The following ZNF33A variants were observed in gnomAD, a reference collection of about 807,000 sequenced individuals.
ZNF33A encodes brain my041 protein.
Under a neutral mutation model 15.9 loss-of-function variants are expected in ZNF33A, and 9 were observed. The ratio of observed to expected loss-of-function variants is 0.57; its 90% CI spans 0.34 to 0.99. ZNF33A has a LOEUF of 0.99. Ranked by LOEUF, ZNF33A falls within the 50% of genes least tolerant of loss-of-function variation. The probability of loss-of-function intolerance (pLI) is 0.02; values close to 1 mark genes in which losing one functional copy is unlikely to be tolerated. For missense variants in ZNF33A, 843 were observed against 941.6 expected, an observed-to-expected ratio of 0.90 and a Z score of 1.37; for synonymous variants, 294 against 324.2, an observed-to-expected ratio of 0.91 and a Z score of 1.00.
At chr10:38,060,509 G>A (rs2023432), downstream of ZNF33A, among the ~76,000 whole-genome samples, 1,898 of 152,240 alleles carry the variant, frequency 0.012, 27 homozygotes, top group Middle Eastern at 0.048. Context: ...GTCGAACCCT[G>A]TGTGGCTCTT....
intron 4 of ZNF33A, among the ~76,000 whole-genome samples, chr10:38,025,189 A>G (rs2064931537): frequency 6.6e-6 from 1 of 152,214 alleles, no homozygotes; most frequent in Admixed American, 6.5e-5. Context: ...ATAAGGAGTG[A>G]CTACTGTATG....
At chr10:38,026,692 A>C (rs990498252) in intron 4 of ZNF33A, among the ~76,000 whole-genome samples, 1 of 152,172 alleles carries the variant, frequency 6.6e-6, no homozygotes, top group African/African-American at 2.4e-5. Flanking sequence ...CCATCAGCAA[A>C]CCCAAAGTTT....
chr10:38,061,794 C>G (rs2480521), downstream of ZNF33A, among the ~76,000 whole-genome samples: 33,531 of 151,900 alleles, frequency 0.22, 3,878 homozygotes, highest in East Asian at 0.4. Context: ...AACCCCGTCT[C>G]TACTAAAACT....
Position 38,056,303 on chromosome 10 carries a change from G to A in ZNF33A, c.2179G>A (p.Gly727Arg), listed in dbSNP as rs1254690565. 13 of 1,613,956 alleles carry A rather than the reference G, an allele frequency of 8.1e-6. 1 individual carries two copies. The Admixed American group carries it at 2.2e-4, about 27-fold the overall frequency. ...GAAATCTTGTCAATGTAATGAATGT[G>A]GAAAAATCTTTTACCGTAAATCGGA... ...GEKSCQCNECGKIFYRKSELA... is the reference protein window; with the variant it reads ...GEKSCQCNECRKIFYRKSELA... Residue 727 changes from glycine (G) to arginine (R), a missense_variant, in exon 5 of 5, where the codon GGA (glycine) becomes AGA (arginine). By Grantham distance (125) the Gly-to-Arg change is moderately radical. Coordinates refer to ENST00000432900, the MANE Select transcript of ZNF33A (RefSeq NM_006954.2).
chr10:38,049,885 A>G (rs1462802732), intron 4 of ZNF33A, among the ~76,000 whole-genome samples: 2 of 152,238 alleles, frequency 1.3e-5, no homozygotes, highest in Non-Finnish European at 2.9e-5. Flanking sequence ...ATCAAAAATA[A>G]GAATGATGAA....
In ZNF33A at chr10:38,055,989, C is replaced by T; in HGVS notation, c.1865C>T (p.Ser622Leu). ...NECGKAFYQK[S>L]QLTQHQRIHI... ...TGTGGAAAAGCCTTCTACCAGAAGT[C>T]ACAACTCACTCAGCATCAGAGAATT... Residue 622 changes from serine to leucine, a missense_variant, in exon 5 of 5, where the codon TCA becomes TTA. Transcript: ENST00000432900. 1.9e-6 allele frequency: 3 copies of T among 1,613,916 alleles called. No individual in the cohort carries two copies. The highest frequency in any genetic ancestry group is 2.5e-6 in the Non-Finnish European group (3 of 1,179,936).
chr10:38,052,536 T>C (rs1429921921), intron 4 of ZNF33A, among the ~76,000 whole-genome samples: 1 of 152,184 alleles, frequency 6.6e-6, no homozygotes, highest in Admixed American at 6.5e-5. Context: ...ACATGACTTA[T>C]AGATTCAAAA....
At chr10:38,064,392 C>G, downstream of ZNF33A, 1 of 411,430 alleles carries the variant, frequency 2.4e-6, no homozygotes, top group East Asian at 3.9e-5. Flanking sequence ...TTCTCGTGTC[C>G]TTGGAGCTGC....
rs1200704400 is a variant in ZNF33A, at chr10:38,057,132, A to ATG, written c.*585_*586dup. On this transcript the variant is annotated 3_prime_UTR_variant, in exon 5 of 5. Coordinates refer to ENST00000432900, the MANE Select transcript of ZNF33A (RefSeq NM_006954.2). ...GCACTCTGTGTGTGTGTGTACGTGT[A>ATG]TGTGTGTGTGTGTGGTTATATCAAA... The ATG allele has an allele frequency of 1.5e-4, 104 of 712,238 alleles. No homozygotes were observed. Among genetic ancestry groups the ATG allele is most frequent in the Middle Eastern group, 7.1e-4 (1 of 1,400 alleles). The allele number at this position is 712,238 out of a possible 1,614,324, so 44.1% of individuals were successfully genotyped here.
At chr10:38,060,232 C>T (rs2066638989), downstream of ZNF33A, among the ~76,000 whole-genome samples, 1 of 152,154 alleles carries the variant, frequency 6.6e-6, no homozygotes, top group Admixed American at 6.5e-5. Context: ...GTTCTCTTGA[C>T]ATCTGAAGCC....
intron 1 of ZNF33A, 72 bp downstream of exon 1, chr10:38,010,855 C>A (rs2064137400): frequency 1.9e-6 from 3 of 1,570,012 alleles, no homozygotes; most frequent in Non-Finnish European, 2.6e-6. Context: ...GGCAGGGGGC[C>A]GGTACCAAGT....
At position 38,056,757 on chromosome 10, in the gene ZNF33A, G is replaced by A; in HGVS notation, c.*197G>A. On this transcript the variant is annotated 3_prime_UTR_variant, in exon 5 of 5. Coordinates refer to ENST00000432900, the MANE Select transcript of ZNF33A (RefSeq NM_006954.2). Reference sequence around the variant, plus strand: ...CAAAAATGCAAATAAGGTTATGTTAGAATTTACACTGAGGAGAAAATTGTC... The same window carrying A: ...CAAAAATGCAAATAAGGTTATGTTAAAATTTACACTGAGGAGAAAATTGTC... 8.1e-7 allele frequency: 1 copy of A among 1,235,358 alleles called. No individual in the cohort carries two copies. The highest frequency in any genetic ancestry group is 3.2e-5 in the East Asian group (1 of 31,526). 76.5% of individuals were successfully genotyped at this position (1,235,358 alleles called of 1,614,324 possible).
intron 4 of ZNF33A, 28 bp downstream of exon 4, chr10:38,017,414 A>G (rs1357329506): frequency 1.4e-5 from 22 of 1,539,210 alleles, no homozygotes; most frequent in Non-Finnish European, 2.0e-5. Flanking sequence ...GCACAGATTC[A>G]CATCAGGGGA....
In ZNF33A at chr10:38,058,675, G is replaced by T. The variant is rs1396195886; in HGVS notation, c.*2115G>T. 1.3e-5 allele frequency: 2 copies of T among 152,272 alleles called. No homozygotes were observed. Among genetic ancestry groups the T allele is most frequent in the African/African-American group, 4.8e-5 (2 of 41,440 alleles). 9.4% of individuals were successfully genotyped at this position (152,272 alleles called of 1,614,324 possible). A position where few individuals can be genotyped will look rare whatever the true frequency, so the allele number is the denominator to read the frequency against. ...AGTCGAAGCTACTCAGGAGGCTGAG[G>T]CAGAAGAATCACTTGAACCTGGGAG... is the stretch of plus-strand genomic sequence containing the variant. On this transcript the variant is annotated 3_prime_UTR_variant, in exon 5 of 5. Coordinates refer to ENST00000432900, the MANE Select transcript of ZNF33A (RefSeq NM_006954.2).
chr10:38,054,744 T>C lies in ZNF33A; in HGVS notation c.620T>C (p.Leu207Ser). 6.2e-7 allele frequency: 1 copy of C among 1,613,610 alleles called. No homozygotes were observed. Among genetic ancestry groups the C allele is most frequent in the East Asian group, 2.2e-5 (1 of 44,850 alleles). ...ACACTGAGTCATCATGAGGAGACTT[T>C]GCAGCATGAGAAGATTCAAACTTTA... ...RNTLSHHEETLQHEKIQTLEH... is the reference protein window; with the variant it reads ...RNTLSHHEETSQHEKIQTLEH... Residue 207 changes from leucine (L) to serine (S), a missense_variant, in exon 5 of 5, where the codon TTG (leucine) becomes TCG (serine). Leu to Ser is a moderately radical substitution (Grantham distance 145, BLOSUM62 -2). Transcript: ENST00000432900.
rs2505230 is a variant in ZNF33A at position 38,056,949 on chromosome 10, C to T, written c.*389C>T. The stretch of plus-strand genomic sequence containing the variant: ...TAAACAAAGGTAATAATTAAAATAA[C>T]CTCACAAGAAGTTTAATGAGTAGAG... On this transcript the variant is annotated 3_prime_UTR_variant, in exon 5 of 5. Coordinates refer to ENST00000432900, the MANE Select transcript of ZNF33A (RefSeq NM_006954.2). 53,881 of 901,412 alleles carry T rather than the reference C, an allele frequency of 0.06. 1,728 individuals carry two copies. Among genetic ancestry groups the T allele is most frequent in the Non-Finnish European group, 0.065 (48,835 of 750,650 alleles). The allele number at this position is 901,412 out of a possible 1,614,324, so 55.8% of individuals were successfully genotyped here. A position where few individuals can be genotyped will look rare whatever the true frequency, so the allele number is the denominator to read the frequency against.
chr10:38,043,866 T>A (rs1329984216), intron 4 of ZNF33A: 2 of 151,934 alleles, frequency 1.3e-5, no homozygotes, highest in South Asian at 2.1e-4. Context: ...CTCTTTTTTT[T>A]TTTTTTTGTT....
chr10:38,067,287 C>T (rs2066717184), downstream of ZNF33A, among the ~76,000 whole-genome samples: 1 of 152,166 alleles, frequency 6.6e-6, no homozygotes, highest in African/African-American at 2.4e-5. Flanking sequence ...GACTGCTTAG[C>T]CCAGCTTGTC....
intron 4 of ZNF33A, among the ~76,000 whole-genome samples, chr10:38,038,395 C>T (rs2065547297): frequency 6.6e-6 from 1 of 152,154 alleles, no homozygotes; most frequent in Non-Finnish European, 1.5e-5. Flanking sequence ...AGACATTATG[C>T]CCGGCCAGAA....
Sources: gnomAD v4.1 joint callset for allele counts (sites outside exome capture counted in the v4.1 genomes callset) on GRCh38, gnomAD v4.1.1 for gene constraint, MANE v1.5 for transcripts, NCBI Gene and HGNC (gene_info 2026-07-23, HGNC 2026-07-21) for gene names.